Variants in SLC4A4 observed in about 807,000 individuals in gnomAD.
SLC4A4 encodes electrogenic sodium bicarbonate cotransporter 1.
A neutral mutation model predicts 111.5 loss-of-function variants in SLC4A4; 27 were observed. The observed-to-expected ratio is 0.24, with a 90% CI of 0.18 to 0.33. The LOEUF is 0.33. Among genes scored for constraint, SLC4A4 ranks in the 10% least tolerant of loss-of-function variants. The pLI is 1.00. For synonymous variants in SLC4A4, 443 were observed against 463.4 expected (o/e 0.96, Z 0.57); for missense variants, 909 against 1,315.5 (o/e 0.69, Z 4.78).
At chr4:71,113,187 A>G (rs1743142200) in intron 2 of SLC4A4, among the ~76,000 whole-genome samples, 1 of 152,202 alleles carries the variant, frequency 6.6e-6, no homozygotes, top group Admixed American at 6.5e-5. Flanking sequence ...TTGTATTCTA[A>G]TTTATGCTGT....
chr4:71,230,416 A>T (rs1322987525), intron 1 of SLC4A4, among the ~76,000 whole-genome samples: 3 of 152,250 alleles, frequency 2.0e-5, no homozygotes, highest in Non-Finnish European at 1.5e-5. Flanking sequence ...TGTGTGCGTC[A>T]CTTTGGTGTG....
At position 71,546,389 on chromosome 4, in the gene SLC4A4, A is replaced by C; in HGVS notation, c.2482A>C (p.Ile828Leu). 6.2e-7 allele frequency: 1 copy of C among 1,612,910 alleles called. No individual in the cohort carries two copies. The highest frequency in any genetic ancestry group is 8.5e-7 in the Non-Finnish European group (1 of 1,179,152). The change falls in exon 19 of 26, where the codon ATC (isoleucine) becomes CTC (leucine). Residue 828 changes from isoleucine to leucine, a missense_variant. Coordinates refer to ENST00000264485, the MANE Select transcript of SLC4A4 (RefSeq NM_001098484.3). ...GYHLDLFWVA[I>L]LMVICSLMAL... is the part of the protein sequence containing the mutation. The stretch of plus-strand genomic sequence containing the variant: ...TCACTTGGATCTCTTTTGGGTGGCC[A>C]TCCTCATGGTTATATGCTCCCTCAT...
intron 2 of SLC4A4, among the ~76,000 whole-genome samples, chr4:71,094,050 G>A (rs762466673): frequency 6.6e-6 from 1 of 152,104 alleles, no homozygotes; most frequent in Non-Finnish European, 1.5e-5. Context: ...TGGTAACCCT[G>A]TCCTCTGTGG....
chr4:71,431,560 G>A (rs1560502883), intron 7 of SLC4A4, among the ~76,000 whole-genome samples: 1 of 151,992 alleles, frequency 6.6e-6, no homozygotes, highest in Non-Finnish European at 1.5e-5. Flanking sequence ...AATTTTTGTG[G>A]GCATTTTATG....
intron 2 of SLC4A4, among the ~76,000 whole-genome samples, chr4:71,105,310 T>C: frequency 6.7e-6 from 1 of 149,616 alleles, no homozygotes; most frequent in East Asian, 2.0e-4. Flanking sequence ...TGCTCATGGG[T>C]AGGAAGAATC....
chr4:71,442,288 G>T (rs1051762423), intron 8 of SLC4A4, among the ~76,000 whole-genome samples: 4 of 152,076 alleles, frequency 2.6e-5, no homozygotes, highest in African/African-American at 7.2e-5. Flanking sequence ...TTTTATAATG[G>T]ATGGTAGGGC....
intron 2 of SLC4A4, among the ~76,000 whole-genome samples, chr4:71,177,450 C>A (rs1185917601): frequency 6.6e-6 from 1 of 152,072 alleles, no homozygotes; most frequent in Non-Finnish European, 1.5e-5. Flanking sequence ...GGTGCAGAGA[C>A]ACACATAGGC....
At position 71,105,435 on chromosome 4, in the gene SLC4A4, T is replaced by C. The variant is rs534170566; in HGVS notation, c.-2+12643T>C. 9.9e-5 allele frequency among the ~76,000 whole-genome samples: 15 copies of C among 151,430 alleles called. No individual in the cohort carries two copies. The East Asian group carries it at 2.9e-3, about 30-fold the overall frequency. Reference sequence around the variant, plus strand: ...GGAAAAAACTACTTTAAAGTTCATATGGAACCAAAAAAGAGCCCGCATCGC... The same window carrying C: ...GGAAAAAACTACTTTAAAGTTCATACGGAACCAAAAAAGAGCCCGCATCGC... On this transcript the variant is annotated intron_variant, in intron 2 of 26. Coordinates refer to the SLC4A4 transcript ENST00000649996.
chr4:71,146,668 C>T (rs1744180720), intron 2 of SLC4A4, among the ~76,000 whole-genome samples: 2 of 152,084 alleles, frequency 1.3e-5, no homozygotes, highest in South Asian at 4.1e-4. Flanking sequence ...ATAGTTAGTT[C>T]TTCTTGTTGA....
chr4:71,444,153 T>G (rs1338524467), intron 8 of SLC4A4, among the ~76,000 whole-genome samples: 1 of 152,216 alleles, frequency 6.6e-6, no homozygotes, highest in Non-Finnish European at 1.5e-5. Context: ...GCATATCTTT[T>G]CCGAAAACAT....
intron 3 of SLC4A4, among the ~76,000 whole-genome samples, chr4:71,270,869 C>A (rs72852106): frequency 0.015 from 2,308 of 152,326 alleles, 59 homozygotes; most frequent in African/African-American, 0.053. Context: ...TCTGCACTGT[C>A]TTCTAAGCAA....
chr4:71,222,838 A>C (rs899288672), intron 1 of SLC4A4, among the ~76,000 whole-genome samples: 6 of 152,332 alleles, frequency 3.9e-5, no homozygotes, highest in African/African-American at 1.4e-4. Context: ...CTTTTGATAC[A>C]GTAGTTCCTT....
At chr4:71,091,404 C>T (rs898847568) in intron 1 of SLC4A4, among the ~76,000 whole-genome samples, 1 of 152,010 alleles carries the variant, frequency 6.6e-6, no homozygotes, top group South Asian at 2.1e-4. Context: ...AGGCACCCGC[C>T]ACCACGCTTG....
chr4:71,165,442 C>G (rs1039352267), intron 2 of SLC4A4, among the ~76,000 whole-genome samples: 1 of 152,108 alleles, frequency 6.6e-6, no homozygotes. Context: ...TCTCAGCAAA[C>G]TAACAGAGGA....
At chr4:71,180,221 C>T (rs1165231059) in intron 2 of SLC4A4, among the ~76,000 whole-genome samples, 1 of 152,076 alleles carries the variant, frequency 6.6e-6, no homozygotes, top group Non-Finnish European at 1.5e-5. Flanking sequence ...TAAGGACTTA[C>T]AGGTTAGACC....
intron 3 of SLC4A4, among the ~76,000 whole-genome samples, chr4:71,311,020 C>A (rs1156922242): frequency 2.0e-5 from 3 of 151,944 alleles, no homozygotes; most frequent in Non-Finnish European, 2.9e-5. Flanking sequence ...AACAAACAAA[C>A]AACAAAACTT....
chr4:71,378,323 A>C (rs1250545140), intron 6 of SLC4A4, among the ~76,000 whole-genome samples: 1 of 152,186 alleles, frequency 6.6e-6, no homozygotes, highest in Non-Finnish European at 1.5e-5. Context: ...TCTTCTTGGC[A>C]AGGCTGAGAG....
At chr4:71,213,328 G>A (rs1427204535) in intron 1 of SLC4A4, among the ~76,000 whole-genome samples, 3 of 152,188 alleles carry the variant, frequency 2.0e-5, no homozygotes, top group Non-Finnish European at 4.4e-5. Flanking sequence ...TGGCTCATGA[G>A]TGCCACTCTT....
At chr4:71,092,146 A>T (rs933886116) in intron 1 of SLC4A4, among the ~76,000 whole-genome samples, 3 of 152,206 alleles carry the variant, frequency 2.0e-5, no homozygotes, top group African/African-American at 2.4e-5. Flanking sequence ...GATGACTTTT[A>T]TTAAGGGATG....
Sources: allele counts gnomAD v4.1 joint callset (sites outside exome capture counted in the v4.1 genomes callset), GRCh38; gene constraint gnomAD v4.1.1; transcripts MANE v1.5; gene names NCBI Gene and HGNC (gene_info 2026-07-23, HGNC 2026-07-21).